The following DOCK5 variants were observed in gnomAD, a reference collection of about 807,000 sequenced individuals.
DOCK5 encodes the protein dedicator of cytokinesis protein 5.
In DOCK5, 142 loss-of-function variants were observed where a neutral mutation model predicts 251.8. The observed-to-expected ratio is 0.56, with a 90% CI of 0.49 to 0.65. The LOEUF (loss-of-function observed/expected upper bound fraction) is 0.65. Ranked by LOEUF, DOCK5 falls within the 30% of genes least tolerant of loss-of-function variation. The pLI is 0.00. For missense variants in DOCK5, 2,111 were observed against 2,312.3 expected (o/e 0.91, Z 1.79); for synonymous variants, 842 against 835.5 (o/e 1.01, Z -0.13).
At chr8:25,202,625 C>T (rs1801906785) in intron 1 of DOCK5, among the ~76,000 whole-genome samples, 1 of 152,126 alleles carries the variant, frequency 6.6e-6, no homozygotes, top group African/African-American at 2.4e-5. Flanking sequence ...CACAGTAGTC[C>T]CGCCTTATCC....
At chr8:25,282,513 C>G (rs903588674) in intron 5 of DOCK5, among the ~76,000 whole-genome samples, 2 of 152,114 alleles carry the variant, frequency 1.3e-5, no homozygotes, top group Non-Finnish European at 2.9e-5. Context: ...TATTATTTCT[C>G]TCTTGCATTT....
At chr8:25,185,212 G>A (rs1801402158) in intron 1 of DOCK5, among the ~76,000 whole-genome samples, 1 of 152,100 alleles carries the variant, frequency 6.6e-6, no homozygotes, top group Non-Finnish European at 1.5e-5. Flanking sequence ...CCCAATCTCC[G>A]GCACTTCACA....
At chr8:25,408,185 C>T (rs769468744) in intron 49 of DOCK5, 31 bp downstream of exon 49, 2 of 1,544,082 alleles carry the variant, frequency 1.3e-6, no homozygotes, top group African/African-American at 2.8e-5. Context: ...AAAGAAATCT[C>T]TGGAGGCTTG....
chr8:25,394,639 C>T (rs1200012931), intron 44 of DOCK5, among the ~76,000 whole-genome samples: 1 of 152,096 alleles, frequency 6.6e-6, no homozygotes, highest in African/African-American at 2.4e-5. Flanking sequence ...CTGCTGTTCT[C>T]TTGTCGTTGA....
intron 11 of DOCK5, chr8:25,305,282 T>G (rs895903483): frequency 7.3e-6 from 1 of 136,906 alleles, no homozygotes; most frequent in African/African-American, 2.9e-5. Context: ...TGGAGAAAGA[T>G]ACATTATGCA....
Position 25,382,610 on chromosome 8 carries a change from CT to C in DOCK5, c.4027-55del, listed in dbSNP as rs199798594. ...TGGGAAACAACAAAACAAAGTCTGACTTTTTTTTTCCCCCAACTGTGTACTT... is the reference window on the plus strand; with the variant it reads ...TGGGAAACAACAAAACAAAGTCTGACTTTTTTTTCCCCCAACTGTGTACTT... On this transcript the variant is annotated intron_variant, in intron 39 of 51. Coordinates refer to ENST00000276440, the MANE Select transcript of DOCK5 (RefSeq NM_024940.8). 7.7e-4 allele frequency: 1,007 copies of C among 1,310,142 alleles called. 4 individuals are homozygous for C. The highest frequency in any genetic ancestry group is 6.9e-3 in the African/African-American group (460 of 66,582). The allele number at this position is 1,310,142 out of a possible 1,614,324, so 81.2% of individuals were successfully genotyped here. A position where few individuals can be genotyped will look rare whatever the true frequency, so the allele number is the denominator to read the frequency against.
chr8:25,281,600 G>T (rs995790724), intron 5 of DOCK5, among the ~76,000 whole-genome samples: 2 of 150,922 alleles, frequency 1.3e-5, no homozygotes, highest in East Asian at 3.9e-4. Context: ...AAAAAAAAAG[G>T]CCAGGCGCAG....
chr8:25,381,381 T>G (rs1801064793), intron 39 of DOCK5, among the ~76,000 whole-genome samples: 1 of 152,080 alleles, frequency 6.6e-6, no homozygotes, highest in African/African-American at 2.4e-5. Context: ...TCTCAGAACT[T>G]TGGGAGGCCA....
intron 1 of DOCK5, among the ~76,000 whole-genome samples, chr8:25,216,133 TGTCTATAC>T (rs1357539942): frequency 2.8e-4 from 42 of 151,516 alleles, no homozygotes; most frequent in African/African-American, 8.7e-4. Flanking sequence ...GTATACAATA[TGTCTATAC>T]GTGTATACAA....
chr8:25,237,826 G>A (rs139223353), intron 1 of DOCK5, among the ~76,000 whole-genome samples: 10 of 152,298 alleles, frequency 6.6e-5, no homozygotes, highest in Non-Finnish European at 1.2e-4. Context: ...CCGTGAATCA[G>A]AAGGCGTTAG....
chr8:25,283,611 G>T (rs1322192829), intron 5 of DOCK5, among the ~76,000 whole-genome samples: 1 of 124,314 alleles, frequency 8.0e-6, no homozygotes, highest in Non-Finnish European at 1.9e-5. Context: ...CCTCTGGGAA[G>T]CCTTGGCATA....
rs991581834 is a variant in DOCK5, at chr8:25,347,687, A to G, written c.2754+2076A>G. ...TAGAAATCATATGTTTATGATCCAA[A>G]GTTAATGTAAAACACAAGAATCAGA... is the stretch of plus-strand genomic sequence containing the variant. On this transcript the variant is annotated intron_variant, in intron 26 of 51. Coordinates refer to ENST00000276440, the MANE Select transcript of DOCK5 (RefSeq NM_024940.8). 6.6e-5 allele frequency among the ~76,000 whole-genome samples: 10 copies of G among 152,326 alleles called. 1 individual carries two copies. Among genetic ancestry groups the G allele is most frequent in the Admixed American group, 6.5e-4 (10 of 15,304 alleles).
At chr8:25,191,474 T>C (rs1421099299) in intron 1 of DOCK5, among the ~76,000 whole-genome samples, 3 of 152,238 alleles carry the variant, frequency 2.0e-5, no homozygotes, top group Non-Finnish European at 4.4e-5. Flanking sequence ...TTATTTTAAA[T>C]TAATTACCAA....
At chr8:25,203,881 T>C (rs1422490383) in intron 1 of DOCK5, among the ~76,000 whole-genome samples, 2 of 152,212 alleles carry the variant, frequency 1.3e-5, no homozygotes, top group African/African-American at 4.8e-5. Context: ...TGTAAAACCT[T>C]AGGAAAAGTA....
At chr8:25,261,304 T>C (rs1803576149) in intron 2 of DOCK5, among the ~76,000 whole-genome samples, 2 of 152,202 alleles carry the variant, frequency 1.3e-5, no homozygotes, top group African/African-American at 4.8e-5. Flanking sequence ...AACTAATTGC[T>C]CACTGGAGAA....
intron 25 of DOCK5, among the ~76,000 whole-genome samples, chr8:25,344,297 G>A (rs541176054): frequency 6.6e-6 from 1 of 152,226 alleles, no homozygotes; most frequent in Admixed American, 6.5e-5. Flanking sequence ...CCAGCACCTG[G>A]GCCTTCCCAA....
At chr8:25,331,682 C>T (rs117643806) in intron 18 of DOCK5, among the ~76,000 whole-genome samples, 1 of 151,708 alleles carries the variant, frequency 6.6e-6, no homozygotes, top group African/African-American at 2.4e-5. Context: ...TTCTACCTCT[C>T]CTAAGACATG....
chr8:25,298,129 G>GT (rs954424053), intron 7 of DOCK5, among the ~76,000 whole-genome samples: 9 of 147,686 alleles, frequency 6.1e-5, no homozygotes, highest in African/African-American at 1.5e-4. Context: ...ATTTTAATAT[G>GT]TTTTTTTTCC....
At chr8:25,277,167 T>C (rs1291965734) in intron 4 of DOCK5, 1 of 154,162 alleles carries the variant, frequency 6.5e-6, no homozygotes, top group Non-Finnish European at 1.4e-5. Context: ...ATAGGTAGTA[T>C]GCAACATTGG....
Sources: gnomAD v4.1 joint callset for allele counts (sites outside exome capture counted in the v4.1 genomes callset) on GRCh38, gnomAD v4.1.1 for gene constraint, MANE v1.5 for transcripts, NCBI Gene and HGNC (gene_info 2026-07-23, HGNC 2026-07-21) for gene names.